TELO2: variants seen among roughly 807,000 people sequenced by gnomAD.
TELO2 encodes the protein telomere length regulation protein TEL2 homolog.
Under a neutral mutation model 91.0 loss-of-function variants are expected in TELO2, and 71 were observed. The observed-to-expected ratio is 0.78, with a 90% CI of 0.64 to 0.95. The LOEUF (loss-of-function observed/expected upper bound fraction) is 0.95. TELO2 is among the 40% of genes least tolerant of loss of function. The pLI is 0.00. For synonymous variants in TELO2, 584 were observed against 518.9 expected, an observed-to-expected ratio of 1.13 and a Z score of -1.71; for missense variants, 1,183 against 1,141.3, an observed-to-expected ratio of 1.04 and a Z score of -0.53.
Position 1,502,319 on chromosome 16 carries a change from C to T in TELO2, c.1568C>T (p.Thr523Ile), listed in dbSNP as rs766656516. 9 of 1,604,332 alleles carry T rather than the reference C, an allele frequency of 5.6e-6. No homozygotes were observed. In the South Asian group the frequency reaches 8.9e-5, roughly 16 times the overall value. ...AYVRDCVEAL[T>I]TSEDIERWEA... is the part of the protein sequence containing the mutation. ...CTCTCTGGGTTCTGTGCAGCCCTGACCACGTCTGAGGACATAGAGCGCTGG... is the reference window on the plus strand; with the variant it reads ...CTCTCTGGGTTCTGTGCAGCCCTGATCACGTCTGAGGACATAGAGCGCTGG... Residue 523 changes from threonine (T) to isoleucine (I), a missense_variant, in exon 13 of 21, where the codon ACC (threonine) becomes ATC (isoleucine). Coordinates refer to ENST00000262319, the MANE Select transcript of TELO2 (RefSeq NM_016111.4).
chr16:1,507,925 TGTGG>T (rs1462290942), intron 20 of TELO2, among the ~76,000 whole-genome samples: 34 of 150,690 alleles, frequency 2.3e-4, no homozygotes, highest in Middle Eastern at 3.4e-3. Context: ...TGTGTGTGTG[TGTGG>T]GTGTGTGTGT....
chr16:1,509,158 G>C (rs2040023753), intron 20 of TELO2, among the ~76,000 whole-genome samples: 1 of 152,180 alleles, frequency 6.6e-6, no homozygotes, highest in South Asian at 2.1e-4. Flanking sequence ...GGGGCCTTGG[G>C]GGCCTGAAGC....
Position 1,500,105 on chromosome 16 carries a change from C to T in TELO2, c.943C>T (p.Leu315=). 2.5e-6 allele frequency: 4 copies of T among 1,609,032 alleles called. No individual in the cohort carries two copies. The South Asian group carries it at 3.3e-5, about 13-fold the overall frequency. ...FLQSRLTTPM[L]QSLLGHLAMD... is the part of the protein sequence containing the mutation. ...TGTGCTTTTATTGCAGACGCCCATG[C>T]TGCAGAGCCTGCTGGGCCATCTGGC... is the stretch of plus-strand genomic sequence containing the variant. The change falls in exon 7 of 21, where the codon CTG becomes TTG. Residue 315 remains leucine (L), a synonymous_variant. Transcript: ENST00000262319.
At position 1,500,612 on chromosome 16, in the gene TELO2, C is replaced by T. The variant is rs771950083; in HGVS notation, c.1194C>T (p.Ser398=). The T allele has an allele frequency of 1.9e-6, 3 of 1,612,294 alleles. No homozygotes were observed. In the East Asian group the frequency reaches 6.7e-5, roughly 36 times the overall value. ...GCGTGAAGTGCCGCCTGGACAGTAG[C>T]CTGCCCCCCGTGCGACGCCTGGGCA... ...MAGVKCRLDS[S]LPPVRRLGMI... Residue 398 remains serine (S), a synonymous_variant, in exon 9 of 21, where the codon AGC becomes AGT. Transcript: ENST00000262319.
rs546128145 is a variant in TELO2 at position 1,497,175 on chromosome 16, C to G, written c.682+71C>G. 16 of 1,583,758 alleles carry G rather than the reference C, an allele frequency of 1.0e-5. No individual in the cohort carries two copies. In the East Asian group the frequency reaches 1.1e-4, roughly 11 times the overall value. On this transcript the variant is annotated intron_variant, in intron 4 of 20. Coordinates refer to ENST00000262319, the MANE Select transcript of TELO2 (RefSeq NM_016111.4). This position sits in a 1 kb window ranked among gnomAD's most constrained non-coding sequence, Gnocchi z 4.0. Reference sequence around the variant, plus strand: ...AGCCCATCAGCCTTCTGCAGAAGGCCGAGAATCCCTCCTGACCCTGGCCCT... The same window carrying G: ...AGCCCATCAGCCTTCTGCAGAAGGCGGAGAATCCCTCCTGACCCTGGCCCT...
At chr16:1,506,057 G>A (rs983447467) in intron 16 of TELO2, among the ~76,000 whole-genome samples, 181 bp from the exon 17 acceptor site, 3 of 152,238 alleles carry the variant, frequency 2.0e-5, no homozygotes, top group East Asian at 1.9e-4. Flanking sequence ...CATTGGCCGC[G>A]GAGCCTGAGT....
chr16:1,500,672 C>A lies in TELO2; in HGVS notation c.1254C>A (p.His418Gln). 12 of 1,612,538 alleles carry A rather than the reference C, an allele frequency of 7.4e-6. No individual in the cohort carries two copies. The highest frequency in any genetic ancestry group is 1.0e-5 in the Non-Finnish European group (12 of 1,179,814). The change falls in exon 9 of 21, where the codon CAC becomes CAA. Residue 418 changes from histidine (H) to glutamine (Q), a missense_variant. Transcript: ENST00000262319. ...CAGAGGTCGTTAGTGCCCGGATCCA[C>A]CCCGAGGGGCCTCCCCTGAAATTCC... ...IVAEVVSARI[H>Q]PEGPPLKFQY...
intron 3 of TELO2, among the ~76,000 whole-genome samples, chr16:1,496,223 C>G (rs1403646966): frequency 6.6e-6 from 1 of 152,212 alleles, no homozygotes. Context: ...GCTGCCCCGA[C>G]CTCGTTCTGA....
At chr16:1,508,246 C>T (rs1453080932) in intron 20 of TELO2, among the ~76,000 whole-genome samples, 1 of 152,238 alleles carries the variant, frequency 6.6e-6, no homozygotes, top group Non-Finnish European at 1.5e-5. Flanking sequence ...AATTCTCCCG[C>T]CTCAGCCTCC....
chr16:1,501,463 C>A lies in TELO2; in HGVS notation c.1325C>A (p.Ser442Tyr). The change falls in exon 10 of 21, where the codon TCC becomes TAC. Residue 442 changes from serine (S) to tyrosine (Y), a missense_variant. Physicochemically the swap from Ser to Tyr is moderately radical, Grantham distance 144. Transcript: ENST00000262319. ...ELSLELLALA[S>Y]PQPAGDGASE... Reference sequence around the variant, plus strand: ...AGCCTCGAGCTGCTGGCCTTGGCCTCCCCCCAGCCTGCGGGTGACGGCGCC... The same window carrying A: ...AGCCTCGAGCTGCTGGCCTTGGCCTACCCCCAGCCTGCGGGTGACGGCGCC... The A allele has an allele frequency of 5.0e-6, 8 of 1,610,564 alleles. No individual in the cohort carries two copies. The highest frequency in any genetic ancestry group is 6.8e-6 in the Non-Finnish European group (8 of 1,178,782).
chr16:1,505,668 C>A lies in TELO2; in HGVS notation c.2034+67C>A. 2 of 1,525,282 alleles carry A rather than the reference C, an allele frequency of 1.3e-6. No individual in the cohort carries two copies. Among genetic ancestry groups the A allele is most frequent in the Non-Finnish European group, 1.8e-6 (2 of 1,132,434 alleles). The allele number at this position is 1,525,282 out of a possible 1,614,324, so 94.5% of individuals were successfully genotyped here. On this transcript the variant is annotated intron_variant, in intron 16 of 20. Coordinates refer to ENST00000262319, the MANE Select transcript of TELO2 (RefSeq NM_016111.4). The surrounding 1 kb of genome is among the most constrained non-coding windows in gnomAD (Gnocchi z 4.3). ...TGGGTGGGTGGGAAGGGCGGTCAGA[C>A]ACCTCCAGGCGCTGTCTGCAGCGAG...
In TELO2 at chr16:1,495,425, G is replaced by A. The variant is rs1049993669; in HGVS notation, c.415G>A (p.Ala139Thr). The A allele has an allele frequency of 1.3e-6, 2 of 1,597,384 alleles. No homozygotes were observed. The highest frequency in any genetic ancestry group is 1.7e-6 in the Non-Finnish European group (2 of 1,173,066). Residue 139 changes from alanine (A) to threonine (T), a missense_variant, in exon 3 of 21, where the codon GCG becomes ACG. Ala to Thr is a moderately conservative substitution (Grantham distance 58, BLOSUM62 0). Coordinates refer to ENST00000262319, the MANE Select transcript of TELO2 (RefSeq NM_016111.4). ...GGGCCGGCTGGCAGTGCTGATGGAG[G>A]CGCAGTGTCGGCAGCAGACGCAGCC... ...REGRLAVLME[A>T]QCRQQTQPGF...
Position 1,498,115 on chromosome 16 carries a change from A to C in TELO2, c.830+607A>C, listed in dbSNP as rs558626724. ...CTGCAACCTCCGTCTCCTGGGTTCA[A>C]GTGATTCTCCTGCCTCAGCCTCCTG... On this transcript the variant is annotated intron_variant, in intron 5 of 20. Coordinates refer to ENST00000262319, the MANE Select transcript of TELO2 (RefSeq NM_016111.4). Among the ~76,000 whole-genome samples, 24 of 151,816 alleles carry C rather than the reference A, an allele frequency of 1.6e-4. No individual in the cohort carries two copies. In the South Asian group the frequency reaches 5.0e-3, roughly 32 times the overall value.
intron 5 of TELO2, 83 bp from the exon 6 acceptor site, chr16:1,499,146 CGT>C: frequency 7.1e-7 from 1 of 1,416,874 alleles, no homozygotes; most frequent in Non-Finnish European, 9.9e-7. Context: ...GTCAGGCCGC[CGT>C]CTGTGGGCAT....
Position 1,505,593 on chromosome 16 carries a change from C to T in TELO2, c.2026C>T (p.Leu676Phe), listed in dbSNP as rs760719554. ...GCGGATCAGAAGCAAGACCCAGCGG[C>T]TCTCCAAGGTTAGTGGCGCCTGGTC... ...EERIRSKTQR[L>F]SKGGPRQGPA... Residue 676 changes from leucine to phenylalanine, a missense_variant, in exon 16 of 21, where the codon CTC (leucine) becomes TTC (phenylalanine). Physicochemically the swap from Leu to Phe is conservative, Grantham distance 22 (BLOSUM62 0). Coordinates refer to ENST00000262319, the MANE Select transcript of TELO2 (RefSeq NM_016111.4). The surrounding 1 kb of genome is among the most constrained non-coding windows in gnomAD (Gnocchi z 4.3). 4.3e-6 allele frequency: 7 copies of T among 1,611,356 alleles called. No homozygotes were observed. In the Admixed American group the frequency reaches 1.0e-4, roughly 23 times the overall value.
At position 1,507,585 on chromosome 16, in the gene TELO2, G is replaced by T; in HGVS notation, c.2292-16G>T. ...GTGGTCCCTGCCGAGCTCAGCCCCC[G>T]CCTTCTTGCCGGCAGCTACGTGCGC... On this transcript the variant is annotated splice_polypyrimidine_tract_variant and intron_variant, in intron 19 of 20. Transcript: ENST00000262319. The T allele has an allele frequency of 6.4e-7, 1 of 1,572,132 alleles. No individual in the cohort carries two copies.
rs2039668326 is a variant in TELO2, at chr16:1,501,343, A to AGTGGCTCCC, written c.1282-68_1282-60dup. 2.0e-6 allele frequency: 3 copies of AGTGGCTCCC among 1,490,116 alleles called. No homozygotes were observed. In the South Asian group the frequency reaches 3.6e-5, roughly 18 times the overall value. 92.3% of individuals were successfully genotyped at this position (1,490,116 alleles called of 1,614,324 possible). ...GGCTGCGAGGGAGGCCACAGTGGGG[A>AGTGGCTCCC]GTGGCTCCCGTGGCTCCGTCTCGGG... On this transcript the variant is annotated intron_variant, in intron 9 of 20. Transcript: ENST00000262319.
At chr16:1,506,371 G>A in intron 17 of TELO2, 42 bp downstream of exon 17, 5 of 1,613,084 alleles carry the variant, frequency 3.1e-6, no homozygotes, top group Admixed American at 1.7e-5. Flanking sequence ...GGGGGACAGG[G>A]ACCCTGGACG....
chr16:1,494,689 C>T lies in TELO2; in HGVS notation c.335+73C>T. The stretch of plus-strand genomic sequence containing the variant: ...ATGAGAGTGGCTTGAAGGACTGGAC[C>T]AAGAGCCTCTCTAGTCCCTGTGAGG... On this transcript the variant is annotated intron_variant, in intron 2 of 20. Transcript: ENST00000262319. This position sits in a 1 kb window ranked among gnomAD's most constrained non-coding sequence, Gnocchi z 5.6. The T allele has an allele frequency of 1.4e-6, 2 of 1,449,106 alleles. No homozygotes were observed. Among genetic ancestry groups the T allele is most frequent in the South Asian group, 2.6e-5 (2 of 76,134 alleles). 89.8% of individuals were successfully genotyped at this position (1,449,106 alleles called of 1,614,324 possible).
Sources: allele counts gnomAD v4.1 joint callset (sites outside exome capture counted in the v4.1 genomes callset), GRCh38; gene constraint gnomAD v4.1.1; non-coding constraint Gnocchi (gnomAD v3.1); transcripts MANE v1.5; gene names NCBI Gene and HGNC (gene_info 2026-07-23, HGNC 2026-07-21).